CNTN1: variants seen among roughly 807,000 people sequenced by gnomAD.
CNTN1 encodes contactin-1.
Under a neutral mutation model 126.4 loss-of-function variants are expected in CNTN1, and 38 were observed. That is an observed-to-expected ratio of 0.30 (90% CI 0.23 to 0.39). The LOEUF (loss-of-function observed/expected upper bound fraction) is 0.39. Among genes scored for constraint, CNTN1 ranks in the 10% least tolerant of loss-of-function variants. The pLI, the probability that CNTN1 is intolerant of heterozygous loss-of-function variation, is 1.00. For missense variants in CNTN1, 1,009 were observed against 1,248.4 expected (o/e 0.81, Z 2.89); for synonymous variants, 413 against 422.6 (o/e 0.98, Z 0.28).
chr12:40,756,665 A>G (rs550237758), intron 1 of CNTN1, among the ~76,000 whole-genome samples: 38 of 152,230 alleles, frequency 2.5e-4, no homozygotes, highest in African/African-American at 7.7e-4. Flanking sequence ...GCTTTCCCCT[A>G]GATCTTGCAA....
At chr12:40,720,729 C>G (rs983604630) in intron 1 of CNTN1, among the ~76,000 whole-genome samples, 1 of 151,936 alleles carries the variant, frequency 6.6e-6, no homozygotes, top group Non-Finnish European at 1.5e-5. Context: ...GAGATCAAGA[C>G]CATCCTGGCC....
intron 1 of CNTN1, among the ~76,000 whole-genome samples, chr12:40,850,542 A>G (rs780540111): frequency 2.0e-5 from 3 of 152,000 alleles, no homozygotes; most frequent in Non-Finnish European, 4.4e-5. Context: ...CATTCTTTGC[A>G]TTAAAAAAAA....
chr12:40,998,059 T>C (rs1245088335), intron 17 of CNTN1, among the ~76,000 whole-genome samples: 1 of 151,976 alleles, frequency 6.6e-6, no homozygotes, highest in Non-Finnish European at 1.5e-5. Flanking sequence ...TGGAAGTTAA[T>C]TGAGGATGAT....
In CNTN1 at chr12:41,037,699, CACAT is replaced by C. The variant is rs1252685857; in HGVS notation, c.2980+8482_2980+8485del. Among the ~76,000 whole-genome samples, 9 of 143,844 alleles carry C rather than the reference CACAT, an allele frequency of 6.3e-5. No individual in the cohort carries two copies. The South Asian group carries it at 8.8e-4, about 14-fold the overall frequency. The allele number at this position is 143,844 out of a possible 152,430, so 94.4% of individuals were successfully genotyped here. A position where few individuals can be genotyped will look rare whatever the true frequency, so the allele number is the denominator to read the frequency against. On this transcript the variant is annotated intron_variant, in intron 23 of 23. Transcript: ENST00000551295. Reference sequence around the variant, plus strand: ...ACACACACACACACACACACACACACACATATTTATATATAACATGTGAAACTTC... The same window carrying C: ...ACACACACACACACACACACACACACATTTATATATAACATGTGAAACTTC...
intron 12 of CNTN1, among the ~76,000 whole-genome samples, chr12:40,940,602 A>C (rs1946234442): frequency 6.6e-6 from 1 of 152,154 alleles, no homozygotes; most frequent in Admixed American, 6.6e-5. Flanking sequence ...AAATATATTC[A>C]TGCTATCTAA....
chr12:40,829,502 T>C (rs1941735358), intron 1 of CNTN1, among the ~76,000 whole-genome samples: 2 of 152,280 alleles, frequency 1.3e-5, no homozygotes, highest in African/African-American at 4.8e-5. Flanking sequence ...TCACTTTATT[T>C]TTTTTAAAAA....
chr12:40,750,486 C>T (rs1022839975), intron 1 of CNTN1, among the ~76,000 whole-genome samples: 2 of 151,752 alleles, frequency 1.3e-5, no homozygotes, highest in Non-Finnish European at 2.9e-5. Context: ...CTTTTGATTG[C>T]GTTTTTTAAA....
At position 41,035,149 on chromosome 12, in the gene CNTN1, C is replaced by T. The variant is rs191410604; in HGVS notation, c.2980+5930C>T. On this transcript the variant is annotated intron_variant, in intron 23 of 23. Transcript: ENST00000551295. ...AGCTGCTACCAAGTTCTCACAACAACTTCAATATTTTATTTTGCTCATTTA... is the reference window on the plus strand; with the variant it reads ...AGCTGCTACCAAGTTCTCACAACAATTTCAATATTTTATTTTGCTCATTTA... Among the ~76,000 whole-genome samples the T allele has an allele frequency of 1.6e-4, 25 of 152,302 alleles. 1 individual carries two copies. The East Asian group carries it at 4.4e-3, about 27-fold the overall frequency.
intron 1 of CNTN1, among the ~76,000 whole-genome samples, chr12:40,707,046 GCACACACACA>G (rs59993134): frequency 0.073 from 10,922 of 149,330 alleles, 453 homozygotes; most frequent in Non-Finnish European, 0.088. Flanking sequence ...GCGCGCTTGC[GCACACACACA>G]CACACACACA....
intron 1 of CNTN1, among the ~76,000 whole-genome samples, chr12:40,783,559 AAT>A (rs980239890): frequency 7.0e-4 from 107 of 152,244 alleles, no homozygotes; most frequent in African/African-American, 2.3e-3. Context: ...CATCAATTTC[AAT>A]ATGTTATTGA....
chr12:40,929,624 T>G (rs1945812615), intron 6 of CNTN1, among the ~76,000 whole-genome samples, 172 bp from the exon 7 acceptor site: 1 of 152,026 alleles, frequency 6.6e-6, no homozygotes, highest in South Asian at 2.1e-4. Flanking sequence ...TATATTCATG[T>G]GAAATATGGT....
At chr12:41,034,376 CAGA>C (rs1566185130) in intron 23 of CNTN1, among the ~76,000 whole-genome samples, 1 of 152,144 alleles carries the variant, frequency 6.6e-6, no homozygotes, top group African/African-American at 2.4e-5. Context: ...CTGCCAGTAG[CAGA>C]AGAAGGTCTA....
chr12:40,851,228 T>C (rs146303888), intron 1 of CNTN1, among the ~76,000 whole-genome samples: 4 of 152,332 alleles, frequency 2.6e-5, no homozygotes, highest in African/African-American at 9.6e-5. Flanking sequence ...TTAGTAAAAT[T>C]AGAGCTTAGA....
At chr12:40,748,685 G>A (rs1452516055) in intron 1 of CNTN1, among the ~76,000 whole-genome samples, 1 of 151,964 alleles carries the variant, frequency 6.6e-6, no homozygotes, top group African/African-American at 2.4e-5. Context: ...ATCACAAAAA[G>A]TAATGTTAAT....
At chr12:40,813,226 T>C (rs1490204136) in intron 1 of CNTN1, among the ~76,000 whole-genome samples, 34 of 34,910 alleles carry the variant, frequency 9.7e-4, no homozygotes, top group African/African-American at 1.4e-3. Context: ...TATTTGCTTC[T>C]AAAAAGAAAA....
intron 14 of CNTN1, among the ~76,000 whole-genome samples, chr12:40,949,976 C>T (rs576298581): frequency 2.7e-4 from 41 of 151,846 alleles, no homozygotes; most frequent in African/African-American, 8.7e-4. Context: ...AGATTCGAGC[C>T]GAAAAAAATT....
rs529891018 is a variant in CNTN1, at chr12:40,888,141, G to A, written c.-76-20216G>A. ...TAACAAACCTGCACATTGTGCACAT[G>A]TACCCTGAAACTTAAAGTATAATAA... is the stretch of plus-strand genomic sequence containing the variant. On this transcript the variant is annotated intron_variant, in intron 1 of 23. Transcript: ENST00000551295. Among the ~76,000 whole-genome samples the A allele has an allele frequency of 1.6e-4, 25 of 152,196 alleles. 1 individual carries two copies. The South Asian group carries it at 2.9e-3, about 18-fold the overall frequency.
At chr12:40,702,076 A>G (rs969030917) in intron 1 of CNTN1, among the ~76,000 whole-genome samples, 3 of 149,328 alleles carry the variant, frequency 2.0e-5, no homozygotes, top group African/African-American at 7.4e-5. Flanking sequence ...AAACGGAATC[A>G]TGAAGTATGC....
At chr12:41,056,473 C>T (rs1949804537) in intron 23 of CNTN1, among the ~76,000 whole-genome samples, 1 of 152,076 alleles carries the variant, frequency 6.6e-6, no homozygotes, top group Non-Finnish European at 1.5e-5. Context: ...GATATTGGGA[C>T]ATGACATAGC....
Sources: allele counts gnomAD v4.1 joint callset (sites outside exome capture counted in the v4.1 genomes callset), GRCh38; gene constraint gnomAD v4.1.1; transcripts MANE v1.5; gene names NCBI Gene and HGNC (gene_info 2026-07-23, HGNC 2026-07-21).